The following GLT8D2 variants were observed in gnomAD, a reference collection of about 807,000 sequenced individuals.
GLT8D2 encodes the protein glycosyltransferase 8 domain containing 2.
In GLT8D2, 45 loss-of-function variants were observed where a neutral mutation model predicts 44.5. The observed-to-expected ratio is 1.01, with a 90% confidence interval of 0.80 to 1.30. The LOEUF (loss-of-function observed/expected upper bound fraction) is 1.30. Among genes scored for constraint, GLT8D2 ranks in the 50% most tolerant of loss-of-function variants. The probability of loss-of-function intolerance (pLI) is 0.00; values close to 1 mark genes in which losing one functional copy is unlikely to be tolerated. For missense variants in GLT8D2, 400 were observed against 430.4 expected, an observed-to-expected ratio of 0.93 and a Z score of 0.62; for synonymous variants, 156 against 157.2, an observed-to-expected ratio of 0.99 and a Z score of 0.06.
chr12:104,004,807 C>G (rs551651449), intron 4 of GLT8D2, among the ~76,000 whole-genome samples: 1 of 152,060 alleles, frequency 6.6e-6, no homozygotes, highest in African/African-American at 2.4e-5. Flanking sequence ...CCACACTGCC[C>G]AAGGTAATTT....
intron 1 of GLT8D2, among the ~76,000 whole-genome samples, chr12:104,042,281 T>A (rs1378985520): frequency 6.6e-6 from 1 of 152,196 alleles, no homozygotes; most frequent in South Asian, 2.1e-4. Context: ...CTGCCTTGCA[T>A]GGGGCCATAA....
intron 2 of GLT8D2, among the ~76,000 whole-genome samples, chr12:104,020,069 A>C (rs916106195): frequency 6.6e-6 from 1 of 151,994 alleles, no homozygotes; most frequent in African/African-American, 2.4e-5. Flanking sequence ...ACAGGCATGC[A>C]CCACCACACC....
rs191964735 is a variant in GLT8D2, at chr12:104,007,301, C to G, written c.113-3995G>C. ...TCTCCACCTGCTCTCTCCCCCTCCC[C>G]CTTCTCTTTCCAGATCCTTTTTGGA... On this transcript the variant is annotated intron_variant, in intron 4 of 10. Transcript: ENST00000360814. Among the ~76,000 whole-genome samples the G allele has an allele frequency of 1.3e-3, 185 of 144,954 alleles. 1 individual carries two copies. Among genetic ancestry groups the G allele is most frequent in the African/African-American group, 4.3e-3 (173 of 39,840 alleles).
intron 1 of GLT8D2, among the ~76,000 whole-genome samples, chr12:104,021,965 G>GAA (rs1877858911): frequency 2.3e-4 from 2 of 8,860 alleles, no homozygotes; most frequent in Admixed American, 1.7e-3. Flanking sequence ...AGGAAGAAGA[G>GAA]GAAGAGGAAG....
chr12:103,999,570 G>C, intron 5 of GLT8D2, 56 bp from the exon 6 acceptor site: 2 of 1,027,458 alleles, frequency 1.9e-6, no homozygotes, highest in South Asian at 2.6e-5. Context: ...TCCTCCATTT[G>C]CCTATTGCCC....
intron 1 of GLT8D2, among the ~76,000 whole-genome samples, chr12:104,061,013 A>G (rs574518395): frequency 6.6e-6 from 1 of 152,290 alleles, no homozygotes; most frequent in South Asian, 2.1e-4. Context: ...ATTCATTGAC[A>G]AGTCAAGGGC....
chr12:104,006,824 A>T (rs1875074534), intron 4 of GLT8D2, among the ~76,000 whole-genome samples: 1 of 152,190 alleles, frequency 6.6e-6, no homozygotes, highest in African/African-American at 2.4e-5. Flanking sequence ...TTTTGGAGCT[A>T]TCTTACAGGA....
intron 1 of GLT8D2, among the ~76,000 whole-genome samples, chr12:104,030,055 A>G (rs1173730663): frequency 1.3e-5 from 2 of 152,216 alleles, no homozygotes; most frequent in Non-Finnish European, 2.9e-5. Flanking sequence ...GCAGGAACAA[A>G]ACTGAAGGCA....
upstream of GLT8D2, among the ~76,000 whole-genome samples, chr12:104,054,114 A>T (rs1183689306): frequency 6.6e-6 from 1 of 152,038 alleles, no homozygotes; most frequent in Non-Finnish European, 1.5e-5. Context: ...AGATCCCCAG[A>T]ATTTGCTCAT....
intron 4 of GLT8D2, among the ~76,000 whole-genome samples, chr12:104,003,835 C>T (rs981888763): frequency 1.3e-5 from 2 of 152,102 alleles, no homozygotes; most frequent in Non-Finnish European, 2.9e-5. Flanking sequence ...TGAAACCATA[C>T]CCCCAAAGAG....
rs183920682 is a variant in GLT8D2 at position 103,997,764 on chromosome 12, C to T, written c.403-229G>A. 2.7e-3 allele frequency among the ~76,000 whole-genome samples: 411 copies of T among 152,292 alleles called. 2 individuals are homozygous for T. The highest frequency in any genetic ancestry group is 9.5e-3 in the African/African-American group (395 of 41,550). On this transcript the variant is annotated intron_variant, in intron 6 of 10. Coordinates refer to ENST00000360814, the MANE Select transcript of GLT8D2 (RefSeq NM_001384711.1). ...GATCGGCCGTTCTCCTAGATACAAA[C>T]CCCCTAGTGCCGAGGCTGTTGCCAC...
chr12:104,053,072 A>G (rs1167788017), upstream of GLT8D2, among the ~76,000 whole-genome samples: 1 of 152,154 alleles, frequency 6.6e-6, no homozygotes, highest in Non-Finnish European at 1.5e-5. Flanking sequence ...AGGGTTTCCC[A>G]CCGCCCTTCC....
At chr12:104,007,037 G>C (rs1875117116) in intron 4 of GLT8D2, among the ~76,000 whole-genome samples, 1 of 152,130 alleles carries the variant, frequency 6.6e-6, no homozygotes, top group Admixed American at 6.5e-5. Context: ...GAGGAAGGAG[G>C]TAAATGAAAG....
At chr12:104,035,677 C>A (rs1879853074) in intron 1 of GLT8D2, among the ~76,000 whole-genome samples, 1 of 152,086 alleles carries the variant, frequency 6.6e-6, no homozygotes, top group South Asian at 2.1e-4. Context: ...TGTGAAAAGA[C>A]CAAATCTACA....
At chr12:104,047,565 C>T (rs1275056630) in intron 1 of GLT8D2, among the ~76,000 whole-genome samples, 1 of 152,142 alleles carries the variant, frequency 6.6e-6, no homozygotes, top group Non-Finnish European at 1.5e-5. Flanking sequence ...CTCAGCCTCC[C>T]AAAGTGCTGG....
At position 104,010,474 on chromosome 12, in the gene GLT8D2, TC is replaced by T. The variant is rs2136325994; in HGVS notation, c.112+4538del. Among the ~76,000 whole-genome samples the T allele has an allele frequency of 2.0e-5, 3 of 152,354 alleles. No homozygotes were observed. In the East Asian group the frequency reaches 5.8e-4, roughly 29 times the overall value. ...TACACATAAATTAACACGCACCTTC[TC>T]TATGCTGTGGCCTTGCCTATGGTTG... On this transcript the variant is annotated intron_variant, in intron 4 of 10. Coordinates refer to ENST00000360814, the MANE Select transcript of GLT8D2 (RefSeq NM_001384711.1).
intron 1 of GLT8D2, among the ~76,000 whole-genome samples, chr12:104,021,926 A>G (rs186734361): frequency 0.13 from 3,391 of 25,536 alleles, 228 homozygotes; most frequent in East Asian, 0.37. Flanking sequence ...AAGAAGAAGA[A>G]GAAGAAGAAG....
At chr12:104,001,059 A>G (rs889813100) in intron 5 of GLT8D2, among the ~76,000 whole-genome samples, 15 of 152,222 alleles carry the variant, frequency 9.9e-5, no homozygotes, top group African/African-American at 3.6e-4. Context: ...ATAGCTTTCC[A>G]GTTCTTTTTC....
intron 1 of GLT8D2, among the ~76,000 whole-genome samples, chr12:104,061,704 C>T (rs952614797): frequency 6.6e-6 from 1 of 152,074 alleles, no homozygotes. Context: ...TGGCCAGGCG[C>T]AGTGGTTCAT....
Sources: gnomAD v4.1 joint callset for allele counts (sites outside exome capture counted in the v4.1 genomes callset) on GRCh38, gnomAD v4.1.1 for gene constraint, MANE v1.5 for transcripts, NCBI Gene and HGNC (gene_info 2026-07-23, HGNC 2026-07-21) for gene names.